B3GALT1: variants seen among roughly 807,000 people sequenced by gnomAD.
The protein encoded by B3GALT1 is beta-1,3-galactosyltransferase 1.
B3GALT1 carries 10 observed loss-of-function variants against 23.2 expected under a neutral mutation model. That is an observed-to-expected ratio of 0.43 (90% CI 0.27 to 0.73). B3GALT1 has a LOEUF of 0.73. Among genes scored for constraint, B3GALT1 ranks in the 30% least tolerant of loss-of-function variants. B3GALT1 has a pLI of 0.21. For missense variants in B3GALT1, 299 were observed against 405.4 expected (o/e 0.74, Z 2.25); for synonymous variants, 156 against 141.5 (o/e 1.10, Z -0.73).
intron 3 of B3GALT1, among the ~76,000 whole-genome samples, chr2:167,724,427 A>G (rs555830073): frequency 1.3e-5 from 2 of 152,216 alleles, no homozygotes; most frequent in East Asian, 1.9e-4. Flanking sequence ...CCTTTAAGCT[A>G]TTATTAAAGG....
At chr2:167,372,948 CTT>C (rs112277243) in intron 1 of B3GALT1, among the ~76,000 whole-genome samples, 17 of 152,080 alleles carry the variant, frequency 1.1e-4, no homozygotes, top group African/African-American at 4.1e-4. Context: ...CCCTAAAAGA[CTT>C]TGTGGAAATT....
intron 3 of B3GALT1, among the ~76,000 whole-genome samples, chr2:167,780,212 T>C (rs1262628785): frequency 2.0e-5 from 3 of 152,246 alleles, no homozygotes; most frequent in Non-Finnish European, 4.4e-5. Flanking sequence ...TGAGAGAATC[T>C]TGAATTACAA....
intron 4 of B3GALT1, among the ~76,000 whole-genome samples, chr2:167,828,595 CA>C (rs1227024698): frequency 6.6e-6 from 1 of 152,182 alleles, no homozygotes; most frequent in Non-Finnish European, 1.5e-5. Flanking sequence ...AATCAGTAGG[CA>C]AATGCATAAA....
At chr2:167,651,027 C>G (rs1276158322) in intron 3 of B3GALT1, among the ~76,000 whole-genome samples, 3 of 151,620 alleles carry the variant, frequency 2.0e-5, no homozygotes, top group Non-Finnish European at 2.9e-5. Flanking sequence ...TAGATTTGAC[C>G]TTTCAAAGCC....
chr2:167,465,018 G>A (rs1232605040), intron 1 of B3GALT1, among the ~76,000 whole-genome samples: 6 of 152,044 alleles, frequency 3.9e-5, no homozygotes, highest in Non-Finnish European at 8.8e-5. Context: ...TCCAGACAAG[G>A]CATCCTCACA....
chr2:167,579,892 T>G (rs556838889), intron 2 of B3GALT1, among the ~76,000 whole-genome samples: 1 of 152,278 alleles, frequency 6.6e-6, no homozygotes, highest in East Asian at 1.9e-4. Flanking sequence ...GACTAGATTT[T>G]TAAAAATATT....
At chr2:167,702,855 T>C (rs72876807) in intron 3 of B3GALT1, among the ~76,000 whole-genome samples, 16,336 of 152,218 alleles carry the variant, frequency 0.11, 1,158 homozygotes, top group Middle Eastern at 0.23. Flanking sequence ...AAAAGAAACA[T>C]TACAAAGCAG....
intron 1 of B3GALT1, among the ~76,000 whole-genome samples, chr2:167,323,841 A>T (rs1293198719): frequency 6.6e-6 from 1 of 151,224 alleles, no homozygotes; most frequent in Non-Finnish European, 1.5e-5. Flanking sequence ...AGAAATTCTT[A>T]TTTTTTTTTC....
intron 1 of B3GALT1, among the ~76,000 whole-genome samples, chr2:167,343,538 A>G (rs1271992343): frequency 6.6e-6 from 1 of 152,104 alleles, no homozygotes; most frequent in Admixed American, 6.6e-5. Context: ...CTAGCTCCTG[A>G]TTAGCCATTA....
At chr2:167,356,795 A>T (rs1028127304) in intron 1 of B3GALT1, among the ~76,000 whole-genome samples, 6 of 152,008 alleles carry the variant, frequency 3.9e-5, no homozygotes, top group Middle Eastern at 3.4e-3. Flanking sequence ...TATAGTAATT[A>T]AATTTGTATA....
intron 2 of B3GALT1, among the ~76,000 whole-genome samples, chr2:167,499,033 G>C (rs915203569): frequency 2.0e-5 from 3 of 151,988 alleles, no homozygotes; most frequent in Non-Finnish European, 4.4e-5. Flanking sequence ...TTGAGTTGGT[G>C]GTTACACTTT....
In B3GALT1 at chr2:167,350,136, G is replaced by A. The variant is rs1023099212; in HGVS notation, c.-511+56802G>A. ...TTTAATGCTTAAATAAAAGGTGATC[G>A]TTGAAAAAGATTTTAATTGCATGCC... On this transcript the variant is annotated intron_variant, in intron 1 of 4. Coordinates refer to ENST00000392690, the MANE Select transcript of B3GALT1 (RefSeq NM_020981.4). 3.9e-5 allele frequency among the ~76,000 whole-genome samples: 6 copies of A among 152,094 alleles called. No individual in the cohort carries two copies. The East Asian group carries it at 7.7e-4, about 20-fold the overall frequency.
chr2:167,501,340 ATATAT>A (rs1699845208), intron 2 of B3GALT1, among the ~76,000 whole-genome samples: 2 of 152,016 alleles, frequency 1.3e-5, no homozygotes, highest in Admixed American at 1.3e-4. Flanking sequence ...GTATTTAAAA[ATATAT>A]TAATATCACT....
chr2:167,433,816 T>C (rs74586560), intron 1 of B3GALT1, among the ~76,000 whole-genome samples: 1 of 152,096 alleles, frequency 6.6e-6, no homozygotes, highest in Non-Finnish European at 1.5e-5. Flanking sequence ...ATTACAGCAC[T>C]TGGGGAGGCT....
intron 2 of B3GALT1, among the ~76,000 whole-genome samples, chr2:167,631,180 T>C (rs1025003185): frequency 2.0e-5 from 3 of 151,874 alleles, no homozygotes; most frequent in African/African-American, 7.2e-5. Context: ...ATTATTAGTG[T>C]TTCTCTGAAT....
intron 4 of B3GALT1, among the ~76,000 whole-genome samples, chr2:167,841,190 T>G (rs1574295546): frequency 8.5e-6 from 1 of 117,758 alleles, no homozygotes; most frequent in Non-Finnish European, 1.9e-5. Context: ...AATAAATAAA[T>G]AAGTAAAAAT....
intron 1 of B3GALT1, among the ~76,000 whole-genome samples, chr2:167,360,494 A>C (rs1423288218): frequency 6.6e-6 from 1 of 152,192 alleles, no homozygotes; most frequent in Non-Finnish European, 1.5e-5. Flanking sequence ...CAGCACCGTC[A>C]GTATCATCTT....
At chr2:167,822,305 GCTAAA>G (rs3062777) in intron 4 of B3GALT1, among the ~76,000 whole-genome samples, 39,007 of 151,822 alleles carry the variant, frequency 0.26, 5,432 homozygotes, top group East Asian at 0.56. Context: ...CAGAAGAGGT[GCTAAA>G]CTAAACAGAG....
At chr2:167,450,982 T>G (rs1229870288) in intron 1 of B3GALT1, among the ~76,000 whole-genome samples, 5 of 152,124 alleles carry the variant, frequency 3.3e-5, no homozygotes, top group African/African-American at 1.2e-4. Flanking sequence ...TGTTCAGTTC[T>G]GTTAATGAGA....
Sources: gnomAD v4.1 joint callset for allele counts (sites outside exome capture counted in the v4.1 genomes callset) on GRCh38, gnomAD v4.1.1 for gene constraint, MANE v1.5 for transcripts, NCBI Gene and HGNC (gene_info 2026-07-23, HGNC 2026-07-21) for gene names.